The following SLC71A2 variants were observed in gnomAD, a reference collection of about 807,000 sequenced individuals.
SLC71A2 encodes the protein hippocampus abundant transcript-like 1.
the SLC71A2 span, among the ~76,000 whole-genome samples, chr9:94,414,580 G>GA: frequency 2.0e-5 from 3 of 152,144 alleles, no homozygotes; most frequent in African/African-American, 7.2e-5. Context: ...TCAGATCTTG[G>GA]AAACTTAGTT....
the SLC71A2 span, among the ~76,000 whole-genome samples, chr9:94,444,066 A>AT: frequency 6.6e-6 from 1 of 152,298 alleles, no homozygotes; most frequent in East Asian, 1.9e-4. Flanking sequence ...ATGAAAAAGA[A>AT]TTTTTTATTG....
At chr9:94,448,334 ATTGAC>A in the SLC71A2 span, among the ~76,000 whole-genome samples, 2 of 151,868 alleles carry the variant, frequency 1.3e-5, no homozygotes, top group Admixed American at 1.3e-4. Context: ...AAAACAGATA[ATTGAC>A]TTAAAGCAAT....
the SLC71A2 span, among the ~76,000 whole-genome samples, chr9:94,431,535 A>G: frequency 1.3e-5 from 2 of 151,038 alleles, no homozygotes; most frequent in Admixed American, 6.6e-5. Flanking sequence ...TTATAGCTGT[A>G]TGTCTTTTTA....
At chr9:94,423,329 A>AG in the SLC71A2 span, among the ~76,000 whole-genome samples, 1 of 67,676 alleles carries the variant, frequency 1.5e-5, no homozygotes, top group Admixed American at 1.6e-4. Context: ...GATCTAAAAA[A>AG]TATTTATTAC....
chr9:94,388,955 A>G, the SLC71A2 span, among the ~76,000 whole-genome samples: 16 of 152,260 alleles, frequency 1.1e-4, no homozygotes, highest in African/African-American at 2.2e-4. Flanking sequence ...TTTCTGACCT[A>G]TCTTCCGTCC....
chr9:94,440,889 C>T, the SLC71A2 span: 4 of 665,628 alleles, frequency 6.0e-6, no homozygotes, highest in South Asian at 4.5e-5. Flanking sequence ...ATACTTATTT[C>T]TTGGTGCGTA....
At chr9:94,426,870 T>C in the SLC71A2 span, among the ~76,000 whole-genome samples, 3 of 152,232 alleles carry the variant, frequency 2.0e-5, no homozygotes, top group South Asian at 2.1e-4. Context: ...GGTCTTGCTC[T>C]GTTGCCCAGG....
chr9:94,447,740 A>T, the SLC71A2 span, among the ~76,000 whole-genome samples: 1 of 152,208 alleles, frequency 6.6e-6, no homozygotes, highest in African/African-American at 2.4e-5. Flanking sequence ...GGGTTTGGAC[A>T]AACGTATGAT....
the SLC71A2 span, among the ~76,000 whole-genome samples, chr9:94,447,334 C>T: frequency 6.6e-6 from 1 of 151,912 alleles, no homozygotes; most frequent in Non-Finnish European, 1.5e-5. Context: ...CGTGCACTAC[C>T]ATGCCCAGCC....
the SLC71A2 span, among the ~76,000 whole-genome samples, chr9:94,435,650 CTTTTTT>C: frequency 2.1e-5 from 1 of 48,400 alleles, no homozygotes; most frequent in South Asian, 7.1e-4. Context: ...TTTCCTTCTT[CTTTTTT>C]TTTTTTTTTT....
At chr9:94,450,491 A>C in the SLC71A2 span, among the ~76,000 whole-genome samples, 2 of 57,010 alleles carry the variant, frequency 3.5e-5, no homozygotes, top group African/African-American at 1.9e-4. Flanking sequence ...AAAATAATGT[A>C]ACTTTTTTTT....
At chr9:94,443,478 A>G in the SLC71A2 span, among the ~76,000 whole-genome samples, 2 of 152,220 alleles carry the variant, frequency 1.3e-5, no homozygotes, top group East Asian at 3.8e-4. Context: ...CAGTAAACCA[A>G]GAAAGTGGTA....
the SLC71A2 span, among the ~76,000 whole-genome samples, chr9:94,377,533 CTT>C: frequency 0.24 from 25,928 of 107,582 alleles, 2,757 homozygotes; most frequent in Middle Eastern, 0.34. Flanking sequence ...CCATGCCTGG[CTT>C]TTTTTTTTTT....
the SLC71A2 span, chr9:94,459,039 AT>A: frequency 4.7e-5 from 51 of 1,085,250 alleles, no homozygotes; most frequent in Non-Finnish European, 6.3e-5. Context: ...TTAATGAAAC[AT>A]TTGCTTATGA....
At chr9:94,415,346 A>C in the SLC71A2 span, 1 of 907,574 alleles carries the variant, frequency 1.1e-6, no homozygotes, top group South Asian at 1.4e-5. Flanking sequence ...CGTGTTTGGG[A>C]GTAGCTCTTG....
chr9:94,450,976 C>T, the SLC71A2 span, among the ~76,000 whole-genome samples: 1 of 152,160 alleles, frequency 6.6e-6, no homozygotes, highest in Non-Finnish European at 1.5e-5. Flanking sequence ...CCTGATTTAA[C>T]TGGTCTCCAG....
the SLC71A2 span, among the ~76,000 whole-genome samples, chr9:94,401,856 A>G: frequency 2.0e-5 from 3 of 152,224 alleles, no homozygotes; most frequent in Non-Finnish European, 4.4e-5. Context: ...TGGCTACTCC[A>G]TAGACAGAGC....
the SLC71A2 span, among the ~76,000 whole-genome samples, chr9:94,419,418 C>T: frequency 5.9e-5 from 9 of 151,850 alleles, no homozygotes; most frequent in South Asian, 2.1e-4. Flanking sequence ...CTCAGCCTCC[C>T]GAGTAGCTGG....
At chr9:94,405,498 C>CAAAAAGAA in the SLC71A2 span, among the ~76,000 whole-genome samples, 2 of 59,822 alleles carry the variant, frequency 3.3e-5, no homozygotes, top group South Asian at 1.2e-3. Flanking sequence ...GACTCCGTCT[C>CAAAAAGAA]AAAAAAAAAA....
Sources: gnomAD v4.1 joint callset for allele counts (sites outside exome capture counted in the v4.1 genomes callset) on GRCh38, gnomAD v4.1.1 for gene constraint, MANE v1.5 for transcripts, NCBI Gene and HGNC (gene_info 2026-07-23, HGNC 2026-07-21) for gene names.